Variants in PREX2 observed in about 807,000 individuals in gnomAD.
The protein encoded by PREX2 is phosphatidylinositol-3,4,5-trisphosphate dependent Rac exchange factor 2, also known as phosphatidylinositol 3,4,5-trisphosphate-dependent Rac exchanger 2 protein.
A neutral mutation model predicts 203.2 loss-of-function variants in PREX2; 107 were observed. The ratio of observed to expected loss-of-function variants is 0.53; its 90% confidence interval spans 0.45 to 0.62. The LOEUF (loss-of-function observed/expected upper bound fraction) is 0.62. Ranked by LOEUF, PREX2 falls within the 20% of genes least tolerant of loss-of-function variation. The pLI, the probability that PREX2 is intolerant of heterozygous loss-of-function variation, is 0.00. For missense variants in PREX2, 1,777 were observed against 1,955.9 expected (o/e 0.91, Z 1.72); for synonymous variants, 672 against 663.6 (o/e 1.01, Z -0.19).
chr8:68,188,001 G>A (rs1002969682), intron 35 of PREX2, among the ~76,000 whole-genome samples: 8 of 152,188 alleles, frequency 5.3e-5, no homozygotes, highest in Non-Finnish European at 1.2e-4. Context: ...AAACCAGGTA[G>A]TAGAGGACTC....
intron 23 of PREX2, chr8:68,105,083 A>T (rs1810367953): frequency 1.5e-6 from 2 of 1,312,270 alleles, no homozygotes; most frequent in Non-Finnish European, 2.0e-6. Flanking sequence ...CACAATCAGG[A>T]TGTTCTCATG....
chr8:68,059,278 A>C (rs1358562364), intron 10 of PREX2, among the ~76,000 whole-genome samples: 2 of 135,206 alleles, frequency 1.5e-5, no homozygotes. Flanking sequence ...TGTTCTCTTA[A>C]TGATACCACG....
chr8:68,225,631 C>A (rs1813043870), intron 39 of PREX2, among the ~76,000 whole-genome samples: 1 of 152,156 alleles, frequency 6.6e-6, no homozygotes, highest in African/African-American at 2.4e-5. Flanking sequence ...AGTGAAAGTG[C>A]TTTCAAAGGG....
At chr8:68,031,905 G>A (rs1046464193) in intron 6 of PREX2, among the ~76,000 whole-genome samples, 2 of 152,178 alleles carry the variant, frequency 1.3e-5, no homozygotes, top group Admixed American at 6.5e-5. Flanking sequence ...TCAGTGAAAT[G>A]TGCCAGGCCT....
chr8:67,957,062 A>G (rs1000744121), intron 1 of PREX2, among the ~76,000 whole-genome samples: 5 of 152,194 alleles, frequency 3.3e-5, no homozygotes, highest in African/African-American at 1.2e-4. Flanking sequence ...AGAGGGTCCT[A>G]TAAGTAGTTA....
intron 37 of PREX2, among the ~76,000 whole-genome samples, chr8:68,195,807 T>G (rs1812383217): frequency 6.6e-6 from 1 of 152,252 alleles, no homozygotes; most frequent in Non-Finnish European, 1.5e-5. Context: ...ATAGTCAATT[T>G]CCTGCCTTTT....
chr8:67,971,150 C>G (rs1805916377), intron 1 of PREX2, among the ~76,000 whole-genome samples: 1 of 151,984 alleles, frequency 6.6e-6, no homozygotes, highest in Non-Finnish European at 1.5e-5. Context: ...AATTAGTAGA[C>G]AGTGTGGGAG....
rs1276465593 is a variant in PREX2 at position 68,072,555 on chromosome 8, C to T, written c.1554C>T (p.Asp518=). 1.9e-6 allele frequency: 3 copies of T among 1,584,436 alleles called. No homozygotes were observed. Among genetic ancestry groups the T allele is most frequent in the Non-Finnish European group, 2.6e-6 (3 of 1,153,634 alleles). Residue 518 remains aspartate (D), a synonymous_variant, in exon 14 of 40, where the codon GAC becomes GAT. Coordinates refer to ENST00000288368, the MANE Select transcript of PREX2 (RefSeq NM_024870.4). The part of the protein sequence containing the change: ...KSVVMANKLI[D]WLIAQGDCRT... The stretch of plus-strand genomic sequence containing the variant: ...TGGTCATGGCCAACAAACTGATAGA[C>T]TGGTTAATTGCACAGGTAAATAGAC...
intron 25 of PREX2, among the ~76,000 whole-genome samples, chr8:68,111,928 C>G (rs16934176): frequency 0.028 from 4,331 of 152,208 alleles, 206 homozygotes; most frequent in African/African-American, 0.098. Flanking sequence ...GTGTTGCCAA[C>G]TTTTAAGAGA....
Position 68,060,732 on chromosome 8 carries a change from G to A in PREX2, c.1292G>A (p.Gly431Asp). 6.2e-7 allele frequency: 1 copy of A among 1,613,024 alleles called. No homozygotes were observed. Among genetic ancestry groups the A allele is most frequent in the South Asian group, 1.1e-5 (1 of 90,774 alleles). ...EIGEIHRPEE[G>D]VHLGQALLEN... ...GGAGAGATTCACAGGCCTGAGGAAG[G>A]CGTGCACTTGGGACAAGCATTATTA... The change falls in exon 11 of 40, where the codon GGC becomes GAC. Residue 431 changes from glycine to aspartate, a missense_variant. Coordinates refer to ENST00000288368, the MANE Select transcript of PREX2 (RefSeq NM_024870.4).
intron 32 of PREX2, 22 bp downstream of exon 32, chr8:68,134,298 C>T (rs1263607355): frequency 1.2e-5 from 18 of 1,563,914 alleles, no homozygotes; most frequent in East Asian, 4.5e-5. Flanking sequence ...ACATGACTCC[C>T]ACTGTCTGTG....
At chr8:68,111,420 T>C (rs1810532484) in intron 25 of PREX2, among the ~76,000 whole-genome samples, 1 of 152,140 alleles carries the variant, frequency 6.6e-6, no homozygotes, top group Non-Finnish European at 1.5e-5. Flanking sequence ...GTTCAGGTAA[T>C]GTAGAAATAT....
chr8:68,080,427 C>G lies in PREX2; in HGVS notation c.1643-16C>G, dbSNP rs763705205. The G allele has an allele frequency of 3.7e-6, 6 of 1,604,894 alleles. No individual in the cohort carries two copies. In the East Asian group the frequency reaches 1.3e-4, roughly 36 times the overall value. On this transcript the variant is annotated splice_polypyrimidine_tract_variant and intron_variant, in intron 15 of 39. Coordinates refer to ENST00000288368, the MANE Select transcript of PREX2 (RefSeq NM_024870.4). ...TTGAATTAGCTGAAATAATTTGCATCTGTCTTTTTCTGTAGTCCTTGAAAA... is the reference window on the plus strand; with the variant it reads ...TTGAATTAGCTGAAATAATTTGCATGTGTCTTTTTCTGTAGTCCTTGAAAA...
At chr8:68,002,619 A>C (rs1806975164) in intron 1 of PREX2, among the ~76,000 whole-genome samples, 1 of 152,080 alleles carries the variant, frequency 6.6e-6, no homozygotes, top group South Asian at 2.1e-4. Context: ...TGATATTCTT[A>C]GGTTGATGCT....
intron 1 of PREX2, among the ~76,000 whole-genome samples, chr8:67,986,446 A>T (rs547284016): frequency 3.0e-4 from 45 of 152,202 alleles, no homozygotes; most frequent in Non-Finnish European, 5.6e-4. Flanking sequence ...CATCCTGTCT[A>T]CAGGCATCCT....
chr8:68,171,020 G>C (rs1430934318), intron 35 of PREX2, among the ~76,000 whole-genome samples: 1 of 152,050 alleles, frequency 6.6e-6, no homozygotes, highest in Non-Finnish European at 1.5e-5. Flanking sequence ...ATTATGTTTA[G>C]AATATTATTT....
At chr8:68,109,081 G>A (rs1810479104) in intron 24 of PREX2, 1 of 435,070 alleles carries the variant, frequency 2.3e-6, no homozygotes, top group Non-Finnish European at 4.4e-6. Flanking sequence ...GAAGGTCAAA[G>A]GATATAAAAT....
chr8:68,186,825 A>C (rs1340342055), intron 35 of PREX2, among the ~76,000 whole-genome samples: 1 of 152,158 alleles, frequency 6.6e-6, no homozygotes, highest in East Asian at 1.9e-4. Flanking sequence ...AGCAGTTTTA[A>C]AAAGGCAGAT....
chr8:68,192,352 C>T lies in PREX2; in HGVS notation c.4431C>T (p.Asn1477=), dbSNP rs137974526. Residue 1477 remains asparagine (N), a synonymous_variant, in exon 37 of 40, where the codon AAC becomes AAT. Coordinates refer to ENST00000288368, the MANE Select transcript of PREX2 (RefSeq NM_024870.4). ...AYVDKLMRPL[N]ALDELYRLVA... ...TTCTGCAGCTAATGAGGCCTCTCAA[C>T]GCTTTGGATGAACTTTACCGACTGG... 3.6e-5 allele frequency: 58 copies of T among 1,601,862 alleles called. No homozygotes were observed. Among genetic ancestry groups the T allele is most frequent in the Admixed American group, 5.1e-5 (3 of 58,396 alleles).
Sources: gnomAD v4.1 joint callset for allele counts (sites outside exome capture counted in the v4.1 genomes callset) on GRCh38, gnomAD v4.1.1 for gene constraint, MANE v1.5 for transcripts, NCBI Gene and HGNC (gene_info 2026-07-23, HGNC 2026-07-21) for gene names.